Variants in PUM1 observed in about 807,000 individuals in gnomAD.
PUM1 encodes pumilio RNA binding family member 1.
Under a neutral mutation model 131.8 loss-of-function variants are expected in PUM1, and 13 were observed. The observed-to-expected ratio is 0.10, with a 90% CI of 0.06 to 0.16. The LOEUF (loss-of-function observed/expected upper bound fraction) is 0.16, where lower values mean the gene tolerates loss of function less well. Ranked by LOEUF, PUM1 falls within the 10% of genes least tolerant of loss-of-function variation. The pLI is 1.00. For missense variants in PUM1, 961 were observed against 1,512.4 expected (o/e 0.64, Z 6.05); for synonymous variants, 509 against 556.5 (o/e 0.91, Z 1.20).
intron 9 of PUM1, among the ~76,000 whole-genome samples, chr1:30,975,851 T>G (rs1641115279): frequency 6.6e-6 from 1 of 151,922 alleles, no homozygotes; most frequent in African/African-American, 2.4e-5. Flanking sequence ...GGAGGCCAAG[T>G]TGGGTGGATC....
intron 2 of PUM1, among the ~76,000 whole-genome samples, chr1:31,032,232 G>A (rs1287101964): frequency 6.6e-6 from 1 of 152,056 alleles, no homozygotes; most frequent in East Asian, 1.9e-4. Flanking sequence ...ACTGCCACAG[G>A]GCAGACTCTC....
At chr1:30,944,620 A>C (rs1012721528) in intron 18 of PUM1, among the ~76,000 whole-genome samples, 1 of 152,238 alleles carries the variant, frequency 6.6e-6, no homozygotes, top group African/African-American at 2.4e-5. Context: ...CTTCCAAAAA[A>C]ATTTAAGCAA....
intron 2 of PUM1, among the ~76,000 whole-genome samples, chr1:31,042,253 C>A (rs1328708375): frequency 6.6e-6 from 1 of 151,834 alleles, no homozygotes; most frequent in East Asian, 1.9e-4. Flanking sequence ...TTGCAGTGAG[C>A]CGAGATTGCA....
intron 21 of PUM1, chr1:30,935,628 C>A: frequency 4.4e-6 from 2 of 452,568 alleles, no homozygotes; most frequent in South Asian, 3.1e-5. Context: ...ACTGCCACTG[C>A]CAACACCAGT....
At chr1:31,012,721 G>T (rs1642669171) in intron 3 of PUM1, among the ~76,000 whole-genome samples, 1 of 151,714 alleles carries the variant, frequency 6.6e-6, no homozygotes, top group Non-Finnish European at 1.5e-5. Flanking sequence ...AGAACAATAC[G>T]CAAAACCACA....
At chr1:31,024,926 T>C (rs540512428) in intron 3 of PUM1, among the ~76,000 whole-genome samples, 1 of 152,342 alleles carries the variant, frequency 6.6e-6, no homozygotes, top group Non-Finnish European at 1.5e-5. Context: ...CATCCTTTTC[T>C]AGAATCATCG....
intron 7 of PUM1, among the ~76,000 whole-genome samples, chr1:30,982,922 G>GT (rs530919182): frequency 6.2e-4 from 94 of 152,090 alleles, no homozygotes; most frequent in Admixed American, 9.2e-4. Flanking sequence ...AAATACTTTA[G>GT]TTTTTTTTGT....
chr1:31,025,142 C>G lies in PUM1; in HGVS notation c.432+3654G>C, dbSNP rs1427776679. ...ATAGGAAGCACATAAAGCACTTGTACTATGAGTCCTTCAGCTAAGAACAGC... is the reference window on the plus strand; with the variant it reads ...ATAGGAAGCACATAAAGCACTTGTAGTATGAGTCCTTCAGCTAAGAACAGC... On this transcript the variant is annotated intron_variant, in intron 3 of 21. Coordinates refer to ENST00000426105, the MANE Select transcript of PUM1 (RefSeq NM_001020658.2). Among the ~76,000 whole-genome samples, 3 of 152,148 alleles carry G rather than the reference C, an allele frequency of 2.0e-5. No individual in the cohort carries two copies. In the East Asian group the frequency reaches 5.8e-4, roughly 29 times the overall value.
At chr1:30,998,939 T>G (rs1163096195) in intron 5 of PUM1, among the ~76,000 whole-genome samples, 1 of 152,160 alleles carries the variant, frequency 6.6e-6, no homozygotes, top group Non-Finnish European at 1.5e-5. Context: ...TTTATGAAAA[T>G]TTTACACTTC....
chr1:31,037,868 G>A (rs1393079792), intron 2 of PUM1, among the ~76,000 whole-genome samples: 3 of 151,644 alleles, frequency 2.0e-5, no homozygotes, highest in African/African-American at 7.3e-5. Context: ...ACAGTCAGGA[G>A]GTCAGCAGAC....
chr1:31,062,460 A>G (rs959770804), intron 1 of PUM1, among the ~76,000 whole-genome samples: 18 of 152,050 alleles, frequency 1.2e-4, no homozygotes, highest in African/African-American at 4.3e-4. Context: ...TCTCTACTAA[A>G]AATATAAAAA....
At chr1:31,043,067 T>A (rs932590865) in intron 2 of PUM1, among the ~76,000 whole-genome samples, 7 of 152,160 alleles carry the variant, frequency 4.6e-5, no homozygotes, top group African/African-American at 1.2e-4. Context: ...GAAACTAAGT[T>A]TCTCCAAAGG....
chr1:31,024,557 T>C (rs1643155954), intron 3 of PUM1, among the ~76,000 whole-genome samples: 1 of 152,150 alleles, frequency 6.6e-6, no homozygotes, highest in South Asian at 2.1e-4. Context: ...GAGTCACATA[T>C]CTAAATACAA....
intron 1 of PUM1, among the ~76,000 whole-genome samples, chr1:31,060,731 C>T (rs966384247): frequency 2.0e-5 from 3 of 151,658 alleles, no homozygotes; most frequent in Non-Finnish European, 4.4e-5. Flanking sequence ...ACTGGAAATA[C>T]AAAAATTAAC....
chr1:30,934,823 CA>C (rs1264947024), intron 21 of PUM1, among the ~76,000 whole-genome samples: 1 of 152,034 alleles, frequency 6.6e-6, no homozygotes, highest in Non-Finnish European at 1.5e-5. Context: ...CAAAACAAAA[CA>C]AAAAACCCCT....
intron 20 of PUM1, 96 bp downstream of exon 20, chr1:30,941,055 C>G (rs1325987329): frequency 3.0e-6 from 4 of 1,333,322 alleles, no homozygotes; most frequent in Non-Finnish European, 4.0e-6. Flanking sequence ...TTGAAAACAA[C>G]AACAACAACA....
chr1:30,989,078 CTCATT>C (rs1283839928), intron 7 of PUM1, among the ~76,000 whole-genome samples: 2 of 152,178 alleles, frequency 1.3e-5, no homozygotes, highest in Admixed American at 6.5e-5. Context: ...AAAGTGTCTT[CTCATT>C]TCCTATAGGC....
chr1:30,988,362 A>G lies in PUM1; in HGVS notation c.1158+4028T>C, dbSNP rs200688661. ...TCATGTATCTCATTATAGGCTGATA[A>G]TAAGTTTGATGAAACCAGCTTATTA... On this transcript the variant is annotated intron_variant, in intron 7 of 21. Coordinates refer to ENST00000426105, the MANE Select transcript of PUM1 (RefSeq NM_001020658.2). Among the ~76,000 whole-genome samples, 22 of 152,336 alleles carry G rather than the reference A, an allele frequency of 1.4e-4. No individual in the cohort carries two copies. In the East Asian group the frequency reaches 3.9e-3, roughly 27 times the overall value.
chr1:31,064,559 T>C (rs987251082), intron 1 of PUM1, among the ~76,000 whole-genome samples: 1 of 152,154 alleles, frequency 6.6e-6, no homozygotes, highest in Admixed American at 6.6e-5. Flanking sequence ...AGAAGTTAAC[T>C]GACTTTAAAA....
Sources: gnomAD v4.1 joint callset for allele counts (sites outside exome capture counted in the v4.1 genomes callset) on GRCh38, gnomAD v4.1.1 for gene constraint, MANE v1.5 for transcripts, NCBI Gene and HGNC (gene_info 2026-07-23, HGNC 2026-07-21) for gene names.